The following SLIT3 variants were observed in gnomAD, a reference collection of about 807,000 sequenced individuals.
The protein encoded by SLIT3 is slit homolog 3 protein.
Under a neutral mutation model 184.0 loss-of-function variants are expected in SLIT3, and 68 were observed. The ratio of observed to expected loss-of-function variants is 0.37; its 90% confidence interval spans 0.30 to 0.45. The LOEUF is 0.45. Among genes scored for constraint, SLIT3 ranks in the 20% least tolerant of loss-of-function variants. The pLI is 1.00. For missense variants in SLIT3, 1,707 were observed against 2,026.0 expected (o/e 0.84, Z 3.02); for synonymous variants, 831 against 828.6 (o/e 1.00, Z -0.05).
intron 1 of SLIT3, among the ~76,000 whole-genome samples, chr5:169,266,104 C>T (rs559971632): frequency 1.3e-5 from 2 of 152,308 alleles, no homozygotes; most frequent in East Asian, 1.9e-4. Flanking sequence ...CTTTTATTTC[C>T]CTTATCATGC....
chr5:168,990,928 C>A (rs954350034), intron 4 of SLIT3, among the ~76,000 whole-genome samples: 1 of 152,194 alleles, frequency 6.6e-6, no homozygotes, highest in Admixed American at 6.5e-5. Context: ...AAGTGCCAGA[C>A]CCTGCACTAA....
At chr5:168,768,296 G>C (rs1377885325) in intron 14 of SLIT3, 1 of 476,158 alleles carries the variant, frequency 2.1e-6, no homozygotes, top group Admixed American at 2.3e-5. Context: ...GAGGACAGGA[G>C]CGCTCAGAGG....
In SLIT3 at chr5:169,038,283, G is replaced by C. The variant is rs550715248; in HGVS notation, c.414-154947C>G. On this transcript the variant is annotated intron_variant, in intron 4 of 35. Transcript: ENST00000519560. ...AACAACTAGAATGCCTGGTACAATAGGGAGCAAAGAATATCTTCTCAATAT... is the reference window on the plus strand; with the variant it reads ...AACAACTAGAATGCCTGGTACAATACGGAGCAAAGAATATCTTCTCAATAT... Among the ~76,000 whole-genome samples the C allele has an allele frequency of 2.0e-5, 3 of 152,284 alleles. No individual in the cohort carries two copies. The East Asian group carries it at 5.8e-4, about 29-fold the overall frequency.
At chr5:169,084,272 A>G (rs942374917) in intron 4 of SLIT3, among the ~76,000 whole-genome samples, 3 of 150,396 alleles carry the variant, frequency 2.0e-5, no homozygotes, top group African/African-American at 7.4e-5. Flanking sequence ...GGAAATAGGG[A>G]TGTTTCTTTT....
intron 20 of SLIT3, among the ~76,000 whole-genome samples, chr5:168,727,178 G>T (rs1763158132): frequency 6.6e-6 from 1 of 152,076 alleles, no homozygotes; most frequent in South Asian, 2.1e-4. Flanking sequence ...AAATTAACTA[G>T]GTGTGGTGGT....
rs1443302978 is a variant in SLIT3 at position 169,244,738 on chromosome 5, C to T, written c.308G>A (p.Gly103Asp). The change falls in exon 3 of 36, where the codon GGC (glycine) becomes GAC (aspartate). Residue 103 changes from glycine (G) to aspartate (D), a missense_variant. Coordinates refer to ENST00000519560, the MANE Select transcript of SLIT3 (RefSeq NM_003062.4). ...TAGCTGCTTCAGGTCCTGGAAGGCG[C>T]CTCTCTCGATGACGCTGACCTGGTT... is the stretch of plus-strand genomic sequence containing the variant. ...EDNQVSVIER[G>D]AFQDLKQLER... 1.2e-6 allele frequency: 2 copies of T among 1,613,910 alleles called. No individual in the cohort carries two copies. The highest frequency in any genetic ancestry group is 1.7e-6 in the Non-Finnish European group (2 of 1,180,024).
intron 5 of SLIT3, among the ~76,000 whole-genome samples, chr5:168,845,163 C>T (rs940901107): frequency 3.9e-5 from 6 of 152,114 alleles, no homozygotes; most frequent in Non-Finnish European, 7.3e-5. Context: ...TACCCAAGAG[C>T]GGCAAGGGTG....
At chr5:169,248,835 G>GA (rs894289822) in intron 2 of SLIT3, among the ~76,000 whole-genome samples, 24 of 151,398 alleles carry the variant, frequency 1.6e-4, no homozygotes, top group East Asian at 7.7e-4. Flanking sequence ...TCCCATGGGA[G>GA]AAAAAAAAAT....
chr5:168,674,072 C>T (rs1761335164), intron 32 of SLIT3, among the ~76,000 whole-genome samples: 1 of 152,136 alleles, frequency 6.6e-6, no homozygotes, highest in African/African-American at 2.4e-5. Context: ...ATAAAACAAA[C>T]TCTCTCACAG....
At chr5:168,992,386 C>A (rs867576170) in intron 4 of SLIT3, among the ~76,000 whole-genome samples, 1 of 152,186 alleles carries the variant, frequency 6.6e-6, no homozygotes, top group African/African-American at 2.4e-5. Context: ...TTATGATGAC[C>A]GAATCCTGTA....
chr5:168,858,210 C>A (rs1758971047), intron 5 of SLIT3, among the ~76,000 whole-genome samples: 2 of 152,230 alleles, frequency 1.3e-5, no homozygotes, highest in Admixed American at 1.3e-4. Flanking sequence ...GAGGAGAAAG[C>A]CATCCCCGGG....
chr5:169,110,091 G>A lies in SLIT3; in HGVS notation c.413+83388C>T, dbSNP rs982649514. Among the ~76,000 whole-genome samples, 6 of 152,226 alleles carry A rather than the reference G, an allele frequency of 3.9e-5. 1 individual carries two copies. In the South Asian group the frequency reaches 1.2e-3, roughly 32 times the overall value. Reference sequence around the variant, plus strand: ...TTGAACTCCTGACCTCAGGTGATCTGCCTGCCTCAGCCTCCCAAAGTGCTG... The same window carrying A: ...TTGAACTCCTGACCTCAGGTGATCTACCTGCCTCAGCCTCCCAAAGTGCTG... On this transcript the variant is annotated intron_variant, in intron 4 of 35. Transcript: ENST00000519560.
At chr5:168,776,957 C>T (rs1755772682) in intron 12 of SLIT3, among the ~76,000 whole-genome samples, 1 of 151,964 alleles carries the variant, frequency 6.6e-6, no homozygotes, top group African/African-American at 2.4e-5. Flanking sequence ...TCAGAGGTGC[C>T]CATTTGATAG....
chr5:168,963,276 A>T lies in SLIT3; in HGVS notation c.414-79940T>A, dbSNP rs573444158. Among the ~76,000 whole-genome samples, 6 of 152,264 alleles carry T rather than the reference A, an allele frequency of 3.9e-5. No homozygotes were observed. In the South Asian group the frequency reaches 1.2e-3, roughly 32 times the overall value. On this transcript the variant is annotated intron_variant, in intron 4 of 35. Coordinates refer to ENST00000519560, the MANE Select transcript of SLIT3 (RefSeq NM_003062.4). Reference sequence around the variant, plus strand: ...AACCTCCATCTCCTGGGTTCAAGCAATTCTCCTGCCTCAGCCTCCTGAGTA... The same window carrying T: ...AACCTCCATCTCCTGGGTTCAAGCATTTCTCCTGCCTCAGCCTCCTGAGTA...
chr5:168,834,896 C>G (rs985372731), intron 6 of SLIT3, among the ~76,000 whole-genome samples: 1 of 152,000 alleles, frequency 6.6e-6, no homozygotes, highest in African/African-American at 2.4e-5. Context: ...CCTGTCCAGA[C>G]AGGGTACCCA....
At chr5:168,706,804 AG>A (rs1372662040) in intron 26 of SLIT3, 1 of 152,222 alleles carries the variant, frequency 6.6e-6, no homozygotes, top group Non-Finnish European at 1.5e-5. Context: ...GAAATACATC[AG>A]GTAGTCCCAT....
intron 1 of SLIT3, among the ~76,000 whole-genome samples, chr5:169,284,165 G>C (rs184787382): frequency 6.6e-6 from 1 of 152,244 alleles, no homozygotes; most frequent in Non-Finnish European, 1.5e-5. Context: ...GGATCTATCC[G>C]GTGAGGAAAG....
At chr5:169,240,156 A>G (rs1029752926) in intron 3 of SLIT3, among the ~76,000 whole-genome samples, 3 of 151,952 alleles carry the variant, frequency 2.0e-5, no homozygotes, top group African/African-American at 7.2e-5. Context: ...GTATTTGTTG[A>G]CTTGCTTTCT....
At chr5:169,140,259 T>C (rs1470505685) in intron 4 of SLIT3, among the ~76,000 whole-genome samples, 1 of 134,476 alleles carries the variant, frequency 7.4e-6, no homozygotes, top group Non-Finnish European at 1.5e-5. Context: ...GGTCAGGATT[T>C]CGAGACCAGC....
Sources: gnomAD v4.1 joint callset for allele counts (sites outside exome capture counted in the v4.1 genomes callset) on GRCh38, gnomAD v4.1.1 for gene constraint, MANE v1.5 for transcripts, NCBI Gene and HGNC (gene_info 2026-07-23, HGNC 2026-07-21) for gene names.